ADCY7: variants seen among roughly 807,000 people sequenced by gnomAD.
The protein encoded by ADCY7 is adenylate cyclase 7, also known as adenylate cyclase type 7.
In ADCY7, 72 loss-of-function variants were observed where a neutral mutation model predicts 120.6. The ratio of observed to expected loss-of-function variants is 0.60; its 90% CI spans 0.49 to 0.73. The LOEUF is 0.73. Among genes scored for constraint, ADCY7 ranks in the 30% least tolerant of loss-of-function variants. The pLI, the probability that ADCY7 is intolerant of heterozygous loss-of-function variation, is 0.00. For synonymous variants in ADCY7, 661 were observed against 628.0 expected, an observed-to-expected ratio of 1.05 and a Z score of -0.78; for missense variants, 1,227 against 1,486.0, an observed-to-expected ratio of 0.83 and a Z score of 2.87.
chr16:50,274,653 G>A (rs2033772417), intron 1 of ADCY7, among the ~76,000 whole-genome samples: 1 of 152,158 alleles, frequency 6.6e-6, no homozygotes, highest in African/African-American at 2.4e-5. Flanking sequence ...CAAACTGGGG[G>A]CCTCCGGGCC....
rs1343288678 is a variant in ADCY7 at position 50,304,684 on chromosome 16, C to A, written c.1560+133C>A. On this transcript the variant is annotated intron_variant, in intron 11 of 25. Coordinates refer to ENST00000673801, the MANE Select transcript of ADCY7 (RefSeq NM_001114.5). ...TAAAATGGCCACAGCCTCTGCCCCACCTCCTGGGGCTGGAGAGGAAGCAAA... is the reference window on the plus strand; with the variant it reads ...TAAAATGGCCACAGCCTCTGCCCCAACTCCTGGGGCTGGAGAGGAAGCAAA... The A allele has an allele frequency of 5.4e-5, 56 of 1,046,718 alleles. 1 individual carries two copies. The East Asian group carries it at 7.2e-4, about 13-fold the overall frequency. The allele number at this position is 1,046,718 out of a possible 1,614,324, so 64.8% of individuals were successfully genotyped here.
chr16:50,303,984 C>T (rs2035899274), intron 10 of ADCY7, among the ~76,000 whole-genome samples: 1 of 152,054 alleles, frequency 6.6e-6, no homozygotes, highest in South Asian at 2.1e-4. Flanking sequence ...TCTCTGGTTC[C>T]AAGGAGCCTC....
intron 10 of ADCY7, chr16:50,301,990 C>A (rs2035753794): frequency 6.6e-6 from 1 of 152,568 alleles, no homozygotes; most frequent in Non-Finnish European, 1.5e-5. Context: ...GCTGCACCAT[C>A]CATACTGAGC....
chr16:50,287,394 A>C (rs943712263), intron 1 of ADCY7, among the ~76,000 whole-genome samples: 2 of 151,142 alleles, frequency 1.3e-5, no homozygotes, highest in East Asian at 4.0e-4. Flanking sequence ...TTTAAATTTA[A>C]TTTAAAATAG....
chr16:50,283,919 G>A (rs2150920897), intron 1 of ADCY7, among the ~76,000 whole-genome samples: 1 of 152,318 alleles, frequency 6.6e-6, no homozygotes, highest in South Asian at 2.1e-4. Flanking sequence ...CCGTCATGGA[G>A]GTGTGCAAGC....
intron 15 of ADCY7, 29 bp from the exon 16 acceptor site, chr16:50,308,298 C>T (rs374907310): frequency 1.9e-6 from 3 of 1,614,172 alleles, no homozygotes; most frequent in African/African-American, 1.3e-5. Flanking sequence ...AGGCCCTAGG[C>T]AGAACTGAGG....
intron 1 of ADCY7, among the ~76,000 whole-genome samples, chr16:50,284,215 A>C (rs2034447394): frequency 6.6e-6 from 1 of 152,122 alleles, no homozygotes; most frequent in East Asian, 1.9e-4. Context: ...CAGTGAGTTC[A>C]TTCCCCCCAG....
rs916540320 is a variant in ADCY7 at position 50,293,579 on chromosome 16, G to A, written c.836+77G>A. 1.6e-5 allele frequency: 25 copies of A among 1,528,102 alleles called. No homozygotes were observed. The South Asian group carries it at 2.2e-4, about 13-fold the overall frequency. The allele number at this position is 1,528,102 out of a possible 1,614,324, so 94.7% of individuals were successfully genotyped here. A position where few individuals can be genotyped will look rare whatever the true frequency, so the allele number is the denominator to read the frequency against. ...CCACCGGCCCCCAGGCGGCCTCCCC[G>A]CCCTATCTGGAGGCTCAGACCCCTG... On this transcript the variant is annotated intron_variant, in intron 6 of 25. Coordinates refer to ENST00000673801, the MANE Select transcript of ADCY7 (RefSeq NM_001114.5).
Position 50,314,067 on chromosome 16 carries a change from T to TCA in ADCY7, c.2856+6_2856+7dup. 3.7e-6 allele frequency: 6 copies of TCA among 1,613,042 alleles called. No individual in the cohort carries two copies. The highest frequency in any genetic ancestry group is 5.1e-6 in the Non-Finnish European group (6 of 1,179,152). On this transcript the variant is annotated splice_donor_region_variant and intron_variant, in intron 23 of 25. Coordinates refer to ENST00000673801, the MANE Select transcript of ADCY7 (RefSeq NM_001114.5). ...GCCTCAGGGCACGAGAACCAGGTAC[T>TCA]CAAGCCCAAGAGGTGAAATTCAGCT...
chr16:50,281,386 G>GGCAGGTGCGGCAGGTGCGGCAGGTGCA (rs2034254124), intron 1 of ADCY7, among the ~76,000 whole-genome samples: 1 of 35,976 alleles, frequency 2.8e-5, no homozygotes, highest in African/African-American at 6.1e-5. Flanking sequence ...TGGCAGGTAA[G>GGCAGGTGCGGCAGGTGCGGCAGGTGCA]GCAGGTGCGG....
At chr16:50,306,724 C>T (rs947542801) in intron 14 of ADCY7, among the ~76,000 whole-genome samples, 5 of 152,228 alleles carry the variant, frequency 3.3e-5, no homozygotes, top group African/African-American at 1.2e-4. Flanking sequence ...TGGTGTAGGG[C>T]AGGGGAAGGC....
chr16:50,288,027 G>A lies in ADCY7; in HGVS notation c.-153G>A. 1 of 832,102 alleles carries A rather than the reference G, an allele frequency of 1.2e-6. No individual in the cohort carries two copies. The allele number at this position is 832,102 out of a possible 1,614,324, so 51.5% of individuals were successfully genotyped here. A position where few individuals can be genotyped will look rare whatever the true frequency, so the allele number is the denominator to read the frequency against. Reference sequence around the variant, plus strand: ...CGGACCCCTTGTTGGCCATGGAGCAGCAGGCCCAGAGGCCCTCTCCCCAGC... The same window carrying A: ...CGGACCCCTTGTTGGCCATGGAGCAACAGGCCCAGAGGCCCTCTCCCCAGC... On this transcript the variant is annotated 5_prime_UTR_variant, in exon 2 of 26. Transcript: ENST00000673801.
chr16:50,276,344 G>A lies in ADCY7; in HGVS notation c.-269+9664G>A, dbSNP rs1376826443. ...CCCAGTGCTGCTGGCTCATGGCAGGGTTGAGGGGTGGGGACAGGTGCCGGG... is the reference window on the plus strand; with the variant it reads ...CCCAGTGCTGCTGGCTCATGGCAGGATTGAGGGGTGGGGACAGGTGCCGGG... On this transcript the variant is annotated intron_variant, in intron 1 of 25. Coordinates refer to ENST00000673801, the MANE Select transcript of ADCY7 (RefSeq NM_001114.5). Among the ~76,000 whole-genome samples, 3 of 152,204 alleles carry A rather than the reference G, an allele frequency of 2.0e-5. No homozygotes were observed. The East Asian group carries it at 5.8e-4, about 29-fold the overall frequency.
In ADCY7 at chr16:50,310,741, A is replaced by T. The variant is rs1031725179; in HGVS notation, c.2215A>T (p.Met739Leu). 3 of 1,614,072 alleles carry T rather than the reference A, an allele frequency of 1.9e-6. No individual in the cohort carries two copies. The highest frequency in any genetic ancestry group is 1.7e-5 in the Admixed American group (1 of 60,020). ...GFIACSVFLR[M>L]SLEPKVVLLT... The stretch of plus-strand genomic sequence containing the variant: ...CATCGCCTGCTCGGTCTTCCTGAGG[A>T]TGAGCCTGGAGCCAAAGGTTGTGCT... The change falls in exon 19 of 26, where the codon ATG becomes TTG. Residue 739 changes from methionine to leucine, a missense_variant. Transcript: ENST00000673801.
chr16:50,282,515 C>T (rs1183619210), intron 1 of ADCY7, among the ~76,000 whole-genome samples: 2 of 152,116 alleles, frequency 1.3e-5, no homozygotes, highest in Admixed American at 6.5e-5. Flanking sequence ...TCCTGGAGTT[C>T]GCTGGCCTGA....
Position 50,308,766 on chromosome 16 carries a change from C to A in ADCY7, c.2035C>A (p.Leu679Met). Residue 679 changes from leucine (L) to methionine (M), a missense_variant, in exon 17 of 26, where the codon CTG (leucine) becomes ATG (methionine). Physicochemically the swap from Leu to Met is conservative, Grantham distance 15. Around this residue, in one of 5 missense-constraint regions of ADCY7, gnomAD observed 267 missense variants for 270.0 expected, o/e 0.99. Coordinates refer to ENST00000673801, the MANE Select transcript of ADCY7 (RefSeq NM_001114.5). Reference sequence around the variant, plus strand: ...CCTGGCCGTCCTGACCATCGGCAGCCTGCTCACTGTGGCCATCATCAACCT... The same window carrying A: ...CCTGGCCGTCCTGACCATCGGCAGCATGCTCACTGTGGCCATCATCAACCT... ...LTLAVLTIGS[L>M]LTVAIINLPL... 3.1e-6 allele frequency: 5 copies of A among 1,612,156 alleles called. No homozygotes were observed. Among genetic ancestry groups the A allele is most frequent in the Non-Finnish European group, 4.2e-6 (5 of 1,179,700 alleles).
intron 1 of ADCY7, among the ~76,000 whole-genome samples, chr16:50,282,318 A>C (rs1310672034): frequency 6.6e-6 from 1 of 152,230 alleles, no homozygotes; most frequent in African/African-American, 2.4e-5. Context: ...CCGAGCACCC[A>C]GGGACCTGGC....
At chr16:50,304,581 G>A (rs111789659) in intron 11 of ADCY7, 30 bp downstream of exon 11, 1 of 1,517,456 alleles carries the variant, frequency 6.6e-7, no homozygotes, top group Non-Finnish European at 8.8e-7. Context: ...AGAAAGCCAG[G>A]GATTGGGGCC....
intron 24 of ADCY7, chr16:50,314,711 C>T (rs777457237): frequency 3.8e-5 from 17 of 445,986 alleles, no homozygotes; most frequent in East Asian, 1.8e-4. Flanking sequence ...TGCGGGCCTG[C>T]GCTCAAAGCC....
Sources: gnomAD v4.1 joint callset for allele counts (sites outside exome capture counted in the v4.1 genomes callset) on GRCh38, gnomAD v4.1.1 for gene constraint, gnomAD v4.1.1 regional missense constraint, MANE v1.5 for transcripts, NCBI Gene and HGNC (gene_info 2026-07-23, HGNC 2026-07-21) for gene names.